Variants in TTN observed in about 807,000 individuals in gnomAD.
TTN encodes the protein connectin.
A neutral mutation model predicts 3,223.0 loss-of-function variants in TTN; 1,525 were observed. The ratio of observed to expected loss-of-function variants is 0.47; its 90% confidence interval spans 0.45 to 0.49. TTN has a LOEUF of 0.49. Among genes scored for constraint, TTN ranks in the 20% least tolerant of loss-of-function variants. The pLI, the probability that TTN is intolerant of heterozygous loss-of-function variation, is 0.00. For missense variants in TTN, 40,786 were observed against 43,424.0 expected (o/e 0.94, Z 5.40); for synonymous variants, 14,094 against 15,161.0 (o/e 0.93, Z 5.17).
intron 349 of TTN, 189 bp downstream of exon 349, chr2:178,542,075 G>T: frequency 1.9e-6 from 1 of 513,288 alleles, no homozygotes; most frequent in South Asian, 4.4e-5. Flanking sequence ...AAGCCTAAGT[G>T]TGTTGAAAAC....
At chr2:178,680,145 G>A (rs947832158) in intron 139 of TTN, 90 bp from the exon 140 acceptor site, 1 of 1,580,466 alleles carries the variant, frequency 6.3e-7, no homozygotes, top group African/African-American at 1.4e-5. Context: ...TATAACAGAA[G>A]AAAGGACAAG....
intron 6 of TTN, chr2:178,799,088 A>T (rs1574972047): frequency 4.9e-6 from 1 of 204,838 alleles, no homozygotes; most frequent in East Asian, 1.1e-4. Flanking sequence ...AGTGCATGAA[A>T]CTTACACGGG....
Position 178,597,738 on chromosome 2 carries a change from T to C in TTN, c.57344A>G (p.Tyr19115Cys), listed in dbSNP as rs1479994671. Reference sequence around the variant, plus strand: ...GGTTGGAGGAGGCTTTCCAGACACATAGGCAATGATTCGGATCACCCCTCC... The same window carrying C: ...GGTTGGAGGAGGCTTTCCAGACACACAGGCAATGATTCGGATCACCCCTCC... ...HAGGVIRIIA[Y>C]VSGKPPPTVT... is the part of the protein sequence containing the mutation. The change falls in exon 294 of 363, where the codon TAT (tyrosine) becomes TGT (cysteine). Residue 19115 changes from tyrosine (Y) to cysteine (C), a missense_variant. By Grantham distance (194) the Tyr-to-Cys change is radical. Transcript: ENST00000589042. 4 of 1,613,228 alleles carry C rather than the reference T, an allele frequency of 2.5e-6. No homozygotes were observed. The highest frequency in any genetic ancestry group is 3.4e-6 in the Non-Finnish European group (4 of 1,179,544).
chr2:178,727,904 C>T, intron 67 of TTN, 41 bp from the exon 68 acceptor site: 1 of 1,506,534 alleles, frequency 6.6e-7, no homozygotes, highest in Non-Finnish European at 8.8e-7. Flanking sequence ...AAATTGCTTG[C>T]AGTTGAATTA....
In TTN at chr2:178,717,383, C is replaced by T; in HGVS notation, c.25352-1G>A. 1 of 1,602,954 alleles carries T rather than the reference C, an allele frequency of 6.2e-7. No individual in the cohort carries two copies. Among genetic ancestry groups the T allele is most frequent in the South Asian group, 1.1e-5 (1 of 90,134 alleles). ...TCAAAGAAAGGAGGCACTTCATGCT[C>T]TGAAAAGAATGAAGACCAACATGGT... On this transcript the variant is annotated splice_acceptor_variant, in intron 87 of 362. Coordinates refer to ENST00000589042, the MANE Select transcript of TTN (RefSeq NM_001267550.2). LOFTEE classifies it high-confidence loss of function.
At chr2:178,764,408 A>C (rs2089987251) in intron 42 of TTN, 106 bp from the exon 43 acceptor site, 1 of 1,610,666 alleles carries the variant, frequency 6.2e-7, no homozygotes, top group Non-Finnish European at 8.5e-7. Flanking sequence ...GAGTGCTTTC[A>C]AAGTTGGGTA....
chr2:178,732,807 G>A (rs750133105), intron 55 of TTN, 27 bp downstream of exon 55: 38 of 1,587,408 alleles, frequency 2.4e-5, no homozygotes, highest in Non-Finnish European at 2.8e-5. Context: ...TCTTTAATAA[G>A]GATAAAATGC....
rs903523837 is a variant in TTN at position 178,633,588 on chromosome 2, A to G, written c.42771T>C (p.Asp14257=). The part of the protein sequence containing the change: ...EITLKCEVSK[D]VPVKWFKDGE... ...CATCTTTGAACCATTTCACTGGTAC[A>G]TCTTTGCTCACTTCACACTTCAAAG... The change falls in exon 232 of 363, where the codon GAT becomes GAC. Residue 14257 remains aspartate (D), a synonymous_variant. Coordinates refer to ENST00000589042, the MANE Select transcript of TTN (RefSeq NM_001267550.2). 1.9e-6 allele frequency: 3 copies of G among 1,613,284 alleles called. No individual in the cohort carries two copies. Among genetic ancestry groups the G allele is most frequent in the Admixed American group, 1.7e-5 (1 of 59,956 alleles).
At position 178,548,101 on chromosome 2, in the gene TTN, A is replaced by G; in HGVS notation, c.93525T>C (p.Arg31175=). The G allele has an allele frequency of 6.2e-7, 1 of 1,613,876 alleles. No homozygotes were observed. Among genetic ancestry groups the G allele is most frequent in the Non-Finnish European group, 8.5e-7 (1 of 1,179,804 alleles). ...ATTCATATTCAGTTTTCTCAACAAG[A>G]CGCTCTACTGTGAAAGTTAGCTGTT... The part of the protein sequence containing the change: ...HTKQLTFTVE[R]LVEKTEYEFR... The change falls in exon 339 of 363, where the codon CGT becomes CGC. Residue 31175 remains arginine, a synonymous_variant. Transcript: ENST00000589042. The surrounding 1 kb of genome is among the most constrained non-coding windows in gnomAD (Gnocchi z 4.3).
chr2:178,671,752 G>A (rs2067020157), intron 155 of TTN, among the ~76,000 whole-genome samples: 1 of 151,626 alleles, frequency 6.6e-6, no homozygotes, highest in South Asian at 2.1e-4. Flanking sequence ...AATTCATACA[G>A]TGACCTCCTT....
chr2:178,592,894 T>C lies in TTN; in HGVS notation c.59225A>G (p.Tyr19742Cys), dbSNP rs1559607092. 8 of 1,613,504 alleles carry C rather than the reference T, an allele frequency of 5.0e-6. No individual in the cohort carries two copies. Among genetic ancestry groups the C allele is most frequent in the South Asian group, 1.1e-5 (1 of 91,068 alleles). ...HTPESCPETKYKVTGLRDGQT... is the reference protein window; with the variant it reads ...HTPESCPETKCKVTGLRDGQT... ...ACCGTCCCGAAGACCGGTGACTTTATATTTAGTTTCAGGACATGACTCAGG... is the reference window on the plus strand; with the variant it reads ...ACCGTCCCGAAGACCGGTGACTTTACATTTAGTTTCAGGACATGACTCAGG... The change falls in exon 300 of 363, where the codon TAT (tyrosine) becomes TGT (cysteine). Residue 19742 changes from tyrosine (Y) to cysteine (C), a missense_variant. Tyr to Cys is a radical substitution (Grantham distance 194, BLOSUM62 -2). Coordinates refer to ENST00000589042, the MANE Select transcript of TTN (RefSeq NM_001267550.2).
chr2:178,790,594 T>G, intron 11 of TTN, 114 bp downstream of exon 11: 1 of 1,535,642 alleles, frequency 6.5e-7, no homozygotes, highest in South Asian at 1.1e-5. Context: ...TCTATTTGCA[T>G]TATAAGAAGA....
rs1170829810 is a variant in TTN, at chr2:178,578,814, T to C, written c.68216A>G (p.His22739Arg). 6.2e-7 allele frequency: 1 copy of C among 1,610,246 alleles called. No individual in the cohort carries two copies. Among genetic ancestry groups the C allele is most frequent in the South Asian group, 1.1e-5 (1 of 90,456 alleles). ...GAATTTAAGACACTTACCAAATGGATGTCTCGCAACAATTGGCTCCGATTT... is the reference window on the plus strand; with the variant it reads ...GAATTTAAGACACTTACCAAATGGACGTCTCGCAACAATTGGCTCCGATTT... ...GLKSEPIVAR[H>R]PFDVPDAPPP... is the part of the protein sequence containing the mutation. The change falls in exon 320 of 363, where the codon CAT (histidine) becomes CGT (arginine). Residue 22739 changes from histidine to arginine, a missense_variant. By Grantham distance (29) the His-to-Arg change is conservative. Transcript: ENST00000589042.
In TTN at chr2:178,704,219, G is replaced by A. The variant is rs1350073574; in HGVS notation, c.30151C>T (p.Arg10051Ter). The change falls in exon 106 of 363, where the codon CGA becomes TGA. Residue 10051 changes from arginine (R) to a stop codon, truncating the protein, a stop_gained. Coordinates refer to ENST00000589042, the MANE Select transcript of TTN (RefSeq NM_001267550.2). LOFTEE classifies it high-confidence loss of function. ...KVHKLTIADVRAEDQGQYTCK... is the reference protein window; with the variant it reads ...KVHKLTIADV ...GTGTACTGACCCTGGTCTTCTGCTC[G>A]AACATCTGCAATGGTCAATTTATGG... 1.2e-6 allele frequency: 2 copies of A among 1,613,948 alleles called. No individual in the cohort carries two copies. The highest frequency in any genetic ancestry group is 3.3e-5 in the Admixed American group (2 of 60,014).
intron 205 of TTN, 35 bp from the exon 206 acceptor site, chr2:178,651,784 A>G: frequency 6.2e-7 from 1 of 1,609,142 alleles, no homozygotes; most frequent in Non-Finnish European, 8.5e-7. Flanking sequence ...AGAAAGAACG[A>G]AGATTGAGAA....
Position 178,607,197 on chromosome 2 carries a change from T to C in TTN, c.53405A>G (p.Glu17802Gly). 1 of 1,613,028 alleles carries C rather than the reference T, an allele frequency of 6.2e-7. No individual in the cohort carries two copies. Among genetic ancestry groups the C allele is most frequent in the Non-Finnish European group, 8.5e-7 (1 of 1,179,306 alleles). Residue 17802 changes from glutamate to glycine, a missense_variant, in exon 278 of 363, where the codon GAA (glutamate) becomes GGA (glycine). Physicochemically the swap from Glu to Gly is moderately conservative, Grantham distance 98. Transcript: ENST00000589042. ...AGTATGCATCTTGGCATCTTTTCTT[T>C]CAATGATAAAGCCTGTTATTTCACT... ...GGSEITGFII[E>G]RKDAKMHTWR... is the part of the protein sequence containing the mutation.
chr2:178,539,566 G>A lies in TTN; in HGVS notation c.98499C>T (p.Leu32833=), dbSNP rs138968178. 2.2e-3 allele frequency: 3,590 copies of A among 1,613,746 alleles called. 53 individuals are homozygous for A. The highest frequency in any genetic ancestry group is 0.021 in the South Asian group (1,933 of 91,062). ...DGGADILGYI[L]ERREVPKAAW... ...CGGCTTTAGGCACTTCTCGTCTCTC[G>A]AGGATGTAGCCTAAGATGTCAGCAC... is the stretch of plus-strand genomic sequence containing the variant. Residue 32833 remains leucine, a synonymous_variant, in exon 352 of 363, where the codon CTC becomes CTT. Coordinates refer to ENST00000589042, the MANE Select transcript of TTN (RefSeq NM_001267550.2).
chr2:178,562,810 G>A lies in TTN; in HGVS notation c.83322C>T (p.Thr27774=), dbSNP rs558052778. 5.0e-6 allele frequency: 8 copies of A among 1,612,838 alleles called. No individual in the cohort carries two copies. The South Asian group carries it at 6.6e-5, about 13-fold the overall frequency. Residue 27774 remains threonine (T), a synonymous_variant, in exon 326 of 363, where the codon ACC becomes ACT. Coordinates refer to ENST00000589042, the MANE Select transcript of TTN (RefSeq NM_001267550.2). The part of the protein sequence containing the change: ...LDSPSAPVNL[T]IREVKKDSVT... ...CTGAGTCTTTCTTCACTTCTCTTAT[G>A]GTCAAATTCACAGGGGCACTTGGTG...
Position 178,595,689 on chromosome 2 carries a change from T to G in TTN, c.57665A>C (p.Glu19222Ala). ...GGSPITNYVI[E>A]KRESDRRAWT... Reference sequence around the variant, plus strand: ...TGCTCTGCGGTCAGATTCACGCTTTTCAATGACATAATTGGTGATTGGAGA... The same window carrying G: ...TGCTCTGCGGTCAGATTCACGCTTTGCAATGACATAATTGGTGATTGGAGA... Residue 19222 changes from glutamate to alanine, a missense_variant, in exon 295 of 363, where the codon GAA (glutamate) becomes GCA (alanine). Glu to Ala is a moderately radical substitution (Grantham distance 107). Transcript: ENST00000589042. 1 of 1,608,926 alleles carries G rather than the reference T, an allele frequency of 6.2e-7. No homozygotes were observed. The highest frequency in any genetic ancestry group is 1.3e-5 in the African/African-American group (1 of 74,988).
Sources: allele counts gnomAD v4.1 joint callset (sites outside exome capture counted in the v4.1 genomes callset), GRCh38; gene constraint gnomAD v4.1.1; non-coding constraint Gnocchi (gnomAD v3.1); transcripts MANE v1.5; gene names NCBI Gene and HGNC (gene_info 2026-07-23, HGNC 2026-07-21).